The following LEP variants were observed in gnomAD, a reference collection of about 807,000 sequenced individuals.
LEP encodes leptin, also known as leptin (murine obesity homolog).
A neutral mutation model predicts 9.8 loss-of-function variants in LEP; 6 were observed. The ratio of observed to expected loss-of-function variants is 0.61; its 90% CI spans 0.34 to 1.21. The LOEUF (loss-of-function observed/expected upper bound fraction) is 1.21. Ranked by LOEUF, LEP falls within the 50% of genes most tolerant of loss-of-function variation. LEP has a pLI of 0.04. For missense variants in LEP, 134 were observed against 198.1 expected, an observed-to-expected ratio of 0.68 and a Z score of 1.94; for synonymous variants, 112 against 81.7, an observed-to-expected ratio of 1.37 and a Z score of -2.00.
intron 2 of LEP, among the ~76,000 whole-genome samples, 195 bp downstream of exon 2, chr7:128,252,357 T>A (rs895504225): frequency 4.6e-5 from 7 of 152,232 alleles, no homozygotes; most frequent in Non-Finnish European, 7.3e-5. Context: ...CTCTGCCTGC[T>A]GAGATTCCAG....
rs755602975 is a variant in LEP, at chr7:128,251,977, C to T, written c.-28-14C>T. The T allele has an allele frequency of 1.2e-5, 20 of 1,610,068 alleles. No homozygotes were observed. The Admixed American group carries it at 3.3e-4, about 27-fold the overall frequency. ...TACCGGCTCCTTGCAGTGTGTGGTT[C>T]CTTCTGTTTTCAGGCCCAAGAAGCC... On this transcript the variant is annotated splice_polypyrimidine_tract_variant and intron_variant, in intron 1 of 2. Coordinates refer to ENST00000308868, the MANE Select transcript of LEP (RefSeq NM_000230.3).
intron 1 of LEP, among the ~76,000 whole-genome samples, chr7:128,246,460 C>T (rs1795212426): frequency 6.6e-6 from 1 of 151,966 alleles, no homozygotes; most frequent in Non-Finnish European, 1.5e-5. Context: ...TCTTTTTTGG[C>T]TTTTGTTTTT....
At chr7:128,247,747 G>A (rs1219779529) in intron 1 of LEP, among the ~76,000 whole-genome samples, 1 of 152,228 alleles carries the variant, frequency 6.6e-6, no homozygotes, top group Non-Finnish European at 1.5e-5. Context: ...TGCCAGGCAA[G>A]GAGTTGGCAC....
At chr7:128,243,047 C>G (rs1291983293) in intron 1 of LEP, among the ~76,000 whole-genome samples, 2 of 152,224 alleles carry the variant, frequency 1.3e-5, no homozygotes, top group Admixed American at 1.3e-4. Context: ...AGCCGCAGCT[C>G]CATTCTGGCC....
chr7:128,244,080 C>G (rs1337517659), intron 1 of LEP, among the ~76,000 whole-genome samples: 2 of 73,048 alleles, frequency 2.7e-5, no homozygotes, highest in Admixed American at 3.8e-4. Flanking sequence ...AAAACCCCAT[C>G]TCTATTAAAA....
chr7:128,250,848 T>C (rs1489013953), intron 1 of LEP, among the ~76,000 whole-genome samples: 1 of 152,214 alleles, frequency 6.6e-6, no homozygotes, highest in African/African-American at 2.4e-5. Flanking sequence ...CTCATGCACA[T>C]ATACTTAGCA....
chr7:128,244,318 T>C (rs1331149013), intron 1 of LEP, among the ~76,000 whole-genome samples: 2 of 152,080 alleles, frequency 1.3e-5, no homozygotes, highest in Non-Finnish European at 2.9e-5. Context: ...CCTATCTGTA[T>C]CTCTGATGAG....
At chr7:128,245,693 T>C (rs552905919) in intron 1 of LEP, among the ~76,000 whole-genome samples, 1 of 152,318 alleles carries the variant, frequency 6.6e-6, no homozygotes, top group African/African-American at 2.4e-5. Context: ...ACTCGCTTTG[T>C]TCTCCCCATT....
In LEP at chr7:128,256,291, G is replaced by A. The variant is rs28959469; in HGVS notation, c.*1528G>A. ...CAGGAAGATGAAAGAGGAGGTTTGG[G>A]GTCTGCCACCATCCTGCTGCTGTGT... On this transcript the variant is annotated 3_prime_UTR_variant, in exon 3 of 3. Transcript: ENST00000308868. 1 of 152,616 alleles carries A rather than the reference G, an allele frequency of 6.6e-6. No homozygotes were observed. Among genetic ancestry groups the A allele is most frequent in the African/African-American group, 2.4e-5 (1 of 41,406 alleles). The allele number at this position is 152,616 out of a possible 1,614,324, so 9.5% of individuals were successfully genotyped here. A position where few individuals can be genotyped will look rare whatever the true frequency, so the allele number is the denominator to read the frequency against.
chr7:128,242,461 C>T (rs1026515628), intron 1 of LEP, among the ~76,000 whole-genome samples: 2 of 152,272 alleles, frequency 1.3e-5, no homozygotes, highest in South Asian at 2.1e-4. Flanking sequence ...CTTCTAGCAA[C>T]GTGAGTGCTC....
At chr7:128,249,488 G>A (rs1795250249) in intron 1 of LEP, among the ~76,000 whole-genome samples, 1 of 152,220 alleles carries the variant, frequency 6.6e-6, no homozygotes, top group Non-Finnish European at 1.5e-5. Context: ...GCACACGACA[G>A]GTTCCTGAGA....
intron 1 of LEP, among the ~76,000 whole-genome samples, chr7:128,246,820 G>C (rs1483934734): frequency 1.3e-5 from 2 of 152,000 alleles, no homozygotes; most frequent in African/African-American, 4.8e-5. Context: ...TTCTTCTCCA[G>C]GGTACCCATG....
chr7:128,252,260 C>T (rs1050349388), intron 2 of LEP, 98 bp downstream of exon 2: 56 of 1,353,614 alleles, frequency 4.1e-5, no homozygotes, highest in Middle Eastern at 1.8e-4. Context: ...ATTTATTGAA[C>T]GCCTCCTGAA....
At chr7:128,247,280 G>A (rs1795222468) in intron 1 of LEP, among the ~76,000 whole-genome samples, 1 of 152,106 alleles carries the variant, frequency 6.6e-6, no homozygotes, top group South Asian at 2.1e-4. Context: ...TTGTCTCTGA[G>A]CTCAGACTTC....
chr7:128,251,343 G>C lies in LEP; in HGVS notation c.-28-648G>C, dbSNP rs573674270. On this transcript the variant is annotated intron_variant, in intron 1 of 2. Coordinates refer to ENST00000308868, the MANE Select transcript of LEP (RefSeq NM_000230.3). ...GACATATTATTTAGAAGGTCAGTAA[G>C]TGCTAGTGGGATTCAGGCTCCCAGT... Among the ~76,000 whole-genome samples the C allele has an allele frequency of 3.9e-5, 6 of 152,364 alleles. 1 individual carries two copies. In the East Asian group the frequency reaches 9.6e-4, roughly 24 times the overall value.
In LEP at chr7:128,252,116, C is replaced by A. The variant is rs752496962; in HGVS notation, c.98C>A (p.Thr33Asn). 5.0e-6 allele frequency: 8 copies of A among 1,614,160 alleles called. No homozygotes were observed. The South Asian group carries it at 8.8e-5, about 18-fold the overall frequency. The change falls in exon 2 of 3, where the codon ACC becomes AAC. Residue 33 changes from threonine to asparagine, a missense_variant. Coordinates refer to ENST00000308868, the MANE Select transcript of LEP (RefSeq NM_000230.3). ...CAAAAAGTCCAAGATGACACCAAAA[C>A]CCTCATCAAGACAATTGTCACCAGG... ...PIQKVQDDTKTLIKTIVTRIN... is the reference protein window; with the variant it reads ...PIQKVQDDTKNLIKTIVTRIN...
chr7:128,252,466 G>A (rs1407517492), intron 2 of LEP, among the ~76,000 whole-genome samples: 4 of 152,172 alleles, frequency 2.6e-5, no homozygotes, highest in Non-Finnish European at 5.9e-5. Flanking sequence ...GTGGTGGCTT[G>A]TACCTGTCAT....
At chr7:128,248,757 C>T (rs1236716823) in intron 1 of LEP, among the ~76,000 whole-genome samples, 10 of 152,226 alleles carry the variant, frequency 6.6e-5, no homozygotes, top group Non-Finnish European at 7.4e-5. Flanking sequence ...TGTACACTAC[C>T]GAGGCTTCCC....
At chr7:128,243,448 A>G (rs1259870589) in intron 1 of LEP, among the ~76,000 whole-genome samples, 1 of 152,176 alleles carries the variant, frequency 6.6e-6, no homozygotes, top group Non-Finnish European at 1.5e-5. Context: ...GAGGGGTCCC[A>G]GAGTGCAGGA....
Sources: gnomAD v4.1 joint callset for allele counts (sites outside exome capture counted in the v4.1 genomes callset) on GRCh38, gnomAD v4.1.1 for gene constraint, MANE v1.5 for transcripts, NCBI Gene and HGNC (gene_info 2026-07-23, HGNC 2026-07-21) for gene names.